The following TET3 variants were observed in gnomAD, a reference collection of about 807,000 sequenced individuals.
TET3 encodes the protein methylcytosine dioxygenase TET3.
In TET3, 19 loss-of-function variants were observed where a neutral mutation model predicts 141.4. That is an observed-to-expected ratio of 0.13 (90% CI 0.09 to 0.20). TET3 has a LOEUF of 0.20. Ranked by LOEUF, TET3 falls within the 10% of genes least tolerant of loss-of-function variation. The pLI is 1.00. For missense variants in TET3, 1,874 were observed against 2,356.9 expected (o/e 0.80, Z 4.24); for synonymous variants, 1,043 against 980.9 (o/e 1.06, Z -1.18).
Position 73,986,649 on chromosome 2 carries a change from G to A in TET3, c.246G>A (p.Gln82=). 1 of 1,232,158 alleles carries A rather than the reference G, an allele frequency of 8.1e-7. No homozygotes were observed. 76.3% of individuals were successfully genotyped at this position (1,232,158 alleles called of 1,614,324 possible). The change falls in exon 2 of 12, where the codon CAG becomes CAA. Residue 82 remains glutamine, a synonymous_variant. Transcript: ENST00000409262. ...CTSCTNRRTH[Q]ICKLRKCEVL... is the part of the protein sequence containing the mutation. ...GCTGTACCAACCGCCGCACGCACCA[G>A]ATCTGCAAACTGCGAAAATGTGAGG...
intron 4 of TET3, among the ~76,000 whole-genome samples, chr2:74,062,709 A>G (rs1688661824): frequency 6.6e-6 from 1 of 152,200 alleles, no homozygotes; most frequent in Admixed American, 6.5e-5. Flanking sequence ...CATGGAAAAC[A>G]TAAAATGCCG....
chr2:74,023,679 G>A (rs112481040), intron 3 of TET3, among the ~76,000 whole-genome samples: 1 of 152,212 alleles, frequency 6.6e-6, no homozygotes, highest in South Asian at 2.1e-4. Flanking sequence ...AGTGGCTCTG[G>A]TGATTGATAT....
intron 3 of TET3, among the ~76,000 whole-genome samples, chr2:74,021,357 G>C (rs1454850685): frequency 6.6e-6 from 1 of 152,224 alleles, no homozygotes; most frequent in Non-Finnish European, 1.5e-5. Flanking sequence ...GTGAGGCCAC[G>C]ATGCAGGGCT....
rs184126004 is a variant in TET3 at position 73,988,441 on chromosome 2, T to C, written c.303+1735T>C. On this transcript the variant is annotated intron_variant, in intron 2 of 11. Transcript: ENST00000409262. ...GAAGCAGTGGCCCTTGTGAACTAAG[T>C]TGAAGTGCTGCTTTTGGCAACAACA... Among the ~76,000 whole-genome samples the C allele has an allele frequency of 2.0e-4, 31 of 152,298 alleles. 1 individual carries two copies. In the East Asian group the frequency reaches 5.4e-3, roughly 27 times the overall value.
chr2:74,116,142 G>A, the TET3 span, among the ~76,000 whole-genome samples: 1 of 152,036 alleles, frequency 6.6e-6, no homozygotes, highest in Non-Finnish European at 1.5e-5. Flanking sequence ...TCAGGGAAAT[G>A]TATATCAAAA....
chr2:73,993,697 G>C (rs751287452), intron 2 of TET3: 1 of 152,094 alleles, frequency 6.6e-6, no homozygotes, highest in African/African-American at 2.4e-5. Context: ...GTAGTTTAGT[G>C]AGTTATCAGT....
intron 8 of TET3, among the ~76,000 whole-genome samples, chr2:74,092,701 C>T (rs1690574475): frequency 6.6e-6 from 1 of 152,196 alleles, no homozygotes; most frequent in Non-Finnish European, 1.5e-5. Flanking sequence ...GCTTCCACAG[C>T]TTTTCCTGGG....
downstream of TET3, among the ~76,000 whole-genome samples, chr2:74,108,813 G>A (rs1424590143): frequency 6.6e-6 from 1 of 152,186 alleles, no homozygotes; most frequent in Admixed American, 6.5e-5. Flanking sequence ...GTGTCTTTGA[G>A]GGACAACCAG....
intron 2 of TET3, among the ~76,000 whole-genome samples, chr2:73,987,284 G>A (rs148733897): frequency 4.5e-4 from 68 of 152,270 alleles, no homozygotes; most frequent in Non-Finnish European, 7.4e-4. Flanking sequence ...GTGTTCTCGG[G>A]ACCTGGCACA....
Position 74,105,361 on chromosome 2 carries a change from A to G in TET3, c.*3185A>G, listed in dbSNP as rs1441591500. 2.5e-6 allele frequency: 1 copy of G among 398,480 alleles called. No homozygotes were observed. The highest frequency in any genetic ancestry group is 4.4e-6 in the Non-Finnish European group (1 of 226,080). The allele number at this position is 398,480 out of a possible 1,614,324, so 24.7% of individuals were successfully genotyped here. On this transcript the variant is annotated 3_prime_UTR_variant, in exon 12 of 12. Transcript: ENST00000409262. ...TGTTGCGTGCAAGGGAAGTGCTTGTAAAGTTCTGTGCTACGAGATTTTTAA... is the reference window on the plus strand; with the variant it reads ...TGTTGCGTGCAAGGGAAGTGCTTGTGAAGTTCTGTGCTACGAGATTTTTAA...
intron 4 of TET3, among the ~76,000 whole-genome samples, chr2:74,059,309 G>A (rs1573813830): frequency 6.6e-6 from 1 of 152,198 alleles, no homozygotes; most frequent in Admixed American, 6.5e-5. Flanking sequence ...CTGGAACATA[G>A]TGATGCAATA....
chr2:74,026,734 T>C (rs1473474493), intron 3 of TET3, among the ~76,000 whole-genome samples: 3 of 152,198 alleles, frequency 2.0e-5, no homozygotes, highest in Non-Finnish European at 4.4e-5. Flanking sequence ...ACTTTTTTTT[T>C]TTTTTTAATT....
the TET3 span, among the ~76,000 whole-genome samples, chr2:74,128,992 TA>T: frequency 2.4e-3 from 184 of 77,910 alleles, no homozygotes; most frequent in Non-Finnish European, 3.1e-3. Context: ...TGTCTCAATT[TA>T]AAAAAAAAAA....
chr2:74,004,586 AG>A (rs2105155663), intron 3 of TET3, among the ~76,000 whole-genome samples: 1 of 152,268 alleles, frequency 6.6e-6, no homozygotes, highest in South Asian at 2.1e-4. Flanking sequence ...GAGAAGAGCC[AG>A]GGGGCATCGG....
chr2:74,065,028 C>G (rs1166584060), intron 4 of TET3, among the ~76,000 whole-genome samples: 1 of 152,188 alleles, frequency 6.6e-6, no homozygotes, highest in East Asian at 1.9e-4. Flanking sequence ...AACTCATTTA[C>G]TGCATTTAGC....
intron 5 of TET3, among the ~76,000 whole-genome samples, chr2:74,078,948 A>C (rs1280552475): frequency 2.0e-5 from 3 of 152,254 alleles, no homozygotes; most frequent in African/African-American, 7.2e-5. Flanking sequence ...CAAAGTAAGG[A>C]AATCTGTCGC....
At chr2:74,083,928 T>C (rs1188525556) in intron 6 of TET3, among the ~76,000 whole-genome samples, 1 of 152,104 alleles carries the variant, frequency 6.6e-6, no homozygotes. Context: ...CAAACCCTAG[T>C]CACAGAGACC....
chr2:74,104,952 C>T lies in TET3; in HGVS notation c.*2776C>T. 1 of 386,030 alleles carries T rather than the reference C, an allele frequency of 2.6e-6. No individual in the cohort carries two copies. Among genetic ancestry groups the T allele is most frequent in the Non-Finnish European group, 4.6e-6 (1 of 218,800 alleles). 23.9% of individuals were successfully genotyped at this position (386,030 alleles called of 1,614,324 possible). On this transcript the variant is annotated 3_prime_UTR_variant, in exon 12 of 12. Coordinates refer to ENST00000409262, the MANE Select transcript of TET3 (RefSeq NM_001287491.2). The stretch of plus-strand genomic sequence containing the variant: ...GTGCTCAAGCCCATGCTGATTTGTA[C>T]ACTACATGTCTAACCTACCTCAAAT...
chr2:74,031,502 C>A (rs936215779), intron 3 of TET3, among the ~76,000 whole-genome samples: 1 of 152,164 alleles, frequency 6.6e-6, no homozygotes, highest in Admixed American at 6.5e-5. Flanking sequence ...GGCTAATAAA[C>A]GAGTAGTGAC....
Sources: gnomAD v4.1 joint callset for allele counts (sites outside exome capture counted in the v4.1 genomes callset) on GRCh38, gnomAD v4.1.1 for gene constraint, MANE v1.5 for transcripts, NCBI Gene and HGNC (gene_info 2026-07-23, HGNC 2026-07-21) for gene names.